The following PDSS2 variants were observed in gnomAD, a reference collection of about 807,000 sequenced individuals.
The protein encoded by PDSS2 is decaprenyl diphosphate synthase subunit 2, also known as all trans-polyprenyl-diphosphate synthase PDSS2.
In PDSS2, 31 loss-of-function variants were observed where a neutral mutation model predicts 44.5. The ratio of observed to expected loss-of-function variants is 0.70; its 90% CI spans 0.52 to 0.94. The LOEUF is 0.94. Among genes scored for constraint, PDSS2 ranks in the 40% least tolerant of loss-of-function variants. The pLI, the probability that PDSS2 is intolerant of heterozygous loss-of-function variation, is 0.00. For synonymous variants in PDSS2, 157 were observed against 180.3 expected, an observed-to-expected ratio of 0.87 and a Z score of 1.03; for missense variants, 452 against 482.2, an observed-to-expected ratio of 0.94 and a Z score of 0.59.
intron 2 of PDSS2, among the ~76,000 whole-genome samples, chr6:107,332,099 A>C (rs2115233634): frequency 9.3e-6 from 1 of 107,650 alleles, no homozygotes; most frequent in African/African-American, 3.4e-5. Flanking sequence ...AAAATTTATA[A>C]GGTAAACTTT....
chr6:107,210,404 T>C, intron 6 of PDSS2, 35 bp downstream of exon 6: 1 of 1,501,316 alleles, frequency 6.7e-7, no homozygotes, highest in Non-Finnish European at 9.3e-7. Flanking sequence ...CACTAATTAC[T>C]ACTGGTACCT....
At chr6:107,417,457 A>G (rs1044556187) in intron 1 of PDSS2, among the ~76,000 whole-genome samples, 3 of 152,132 alleles carry the variant, frequency 2.0e-5, no homozygotes, top group African/African-American at 7.2e-5. Flanking sequence ...CATGGAATCT[A>G]TCTAATAAAC....
chr6:107,228,879 T>C (rs1265197451), intron 4 of PDSS2, among the ~76,000 whole-genome samples: 1 of 152,168 alleles, frequency 6.6e-6, no homozygotes, highest in East Asian at 1.9e-4. Context: ...TTATCACCAC[T>C]AGCATCTTCA....
At chr6:107,187,592 A>G (rs1230867529) in intron 7 of PDSS2, among the ~76,000 whole-genome samples, 1 of 151,556 alleles carries the variant, frequency 6.6e-6, no homozygotes, top group Non-Finnish European at 1.5e-5. Context: ...TGAACCCAGG[A>G]GGCAGAGGTT....
At chr6:107,242,449 A>G (rs1051024179) in intron 4 of PDSS2, among the ~76,000 whole-genome samples, 1 of 152,010 alleles carries the variant, frequency 6.6e-6, no homozygotes, top group African/African-American at 2.4e-5. Flanking sequence ...TATTTTTAGT[A>G]GAGATGAGAT....
At chr6:107,429,721 C>T (rs1362421690) in intron 1 of PDSS2, among the ~76,000 whole-genome samples, 1 of 150,958 alleles carries the variant, frequency 6.6e-6, no homozygotes, top group Admixed American at 6.6e-5. Flanking sequence ...CCTGTCTCTA[C>T]TAAAAATACA....
chr6:107,438,326 A>G lies in PDSS2; in HGVS notation c.296+20664T>C, dbSNP rs552037257. Among the ~76,000 whole-genome samples, 4 of 152,228 alleles carry G rather than the reference A, an allele frequency of 2.6e-5. No homozygotes were observed. In the East Asian group the frequency reaches 7.7e-4, roughly 29 times the overall value. ...AGGGTTCAAGTGATTCTCCTGCTTC[A>G]GCCTCCCAAGTAGCTGGAATTACAA... On this transcript the variant is annotated intron_variant, in intron 1 of 7. Coordinates refer to ENST00000369037, the MANE Select transcript of PDSS2 (RefSeq NM_020381.4).
At chr6:107,260,658 A>ATTT (rs540553793) in intron 3 of PDSS2, among the ~76,000 whole-genome samples, 26 of 93,410 alleles carry the variant, frequency 2.8e-4, no homozygotes, top group African/African-American at 8.5e-4. Flanking sequence ...TTCCCCCTTC[A>ATTT]TTTTTTTTTT....
intron 1 of PDSS2, among the ~76,000 whole-genome samples, chr6:107,406,556 G>C (rs2114626560): frequency 6.6e-6 from 1 of 152,280 alleles, no homozygotes; most frequent in Non-Finnish European, 1.5e-5. Context: ...ATGATAAAAA[G>C]TATGTTTTGA....
At chr6:107,386,468 C>A (rs1330534246) in intron 1 of PDSS2, among the ~76,000 whole-genome samples, 1 of 151,694 alleles carries the variant, frequency 6.6e-6, no homozygotes, top group African/African-American at 2.4e-5. Flanking sequence ...AGGCTCACAG[C>A]AGGATTAGGC....
At chr6:107,421,788 A>C (rs1294620024) in intron 1 of PDSS2, among the ~76,000 whole-genome samples, 2 of 143,872 alleles carry the variant, frequency 1.4e-5, no homozygotes, top group Non-Finnish European at 3.0e-5. Flanking sequence ...AAATCTATAT[A>C]CGTGATAAAA....
chr6:107,184,093 G>A (rs1251976714), intron 7 of PDSS2, among the ~76,000 whole-genome samples: 1 of 152,072 alleles, frequency 6.6e-6, no homozygotes, highest in Non-Finnish European at 1.5e-5. Context: ...ATGTTGTATG[G>A]CATATTTTAC....
chr6:107,402,238 C>T (rs1342551464), intron 1 of PDSS2, among the ~76,000 whole-genome samples: 1 of 150,738 alleles, frequency 6.6e-6, no homozygotes, highest in Non-Finnish European at 1.5e-5. Context: ...CGAGATTGCG[C>T]CATTACACTC....
chr6:107,293,861 C>A (rs1417689384), intron 2 of PDSS2, among the ~76,000 whole-genome samples: 3 of 152,098 alleles, frequency 2.0e-5, no homozygotes, highest in Admixed American at 6.5e-5. Context: ...AGGCTTTTAC[C>A]TATGAATACT....
intron 6 of PDSS2, among the ~76,000 whole-genome samples, chr6:107,195,107 T>A (rs1772510099): frequency 6.6e-6 from 1 of 152,176 alleles, no homozygotes; most frequent in East Asian, 1.9e-4. Flanking sequence ...AAGACCATTT[T>A]GTTCCTGAGT....
intron 2 of PDSS2, among the ~76,000 whole-genome samples, chr6:107,286,371 G>T (rs1776151825): frequency 6.8e-6 from 1 of 147,448 alleles, no homozygotes; most frequent in African/African-American, 2.5e-5. Context: ...TTTGCTGATT[G>T]TGGTGGCGGG....
intron 1 of PDSS2, among the ~76,000 whole-genome samples, chr6:107,446,196 G>A (rs1179808504): frequency 1.3e-5 from 2 of 151,896 alleles, no homozygotes; most frequent in Non-Finnish European, 2.9e-5. Context: ...CACACCTGTA[G>A]TCCCAGCTAC....
chr6:107,328,793 T>A lies in PDSS2; in HGVS notation c.431+5405A>T, dbSNP rs112083288. ...TCCTAAGAATTCTCAAATGAAGGAA[T>A]CTCTCTAACTCTGTTTAACCTGGCA... On this transcript the variant is annotated intron_variant, in intron 2 of 7. Coordinates refer to ENST00000369037, the MANE Select transcript of PDSS2 (RefSeq NM_020381.4). Among the ~76,000 whole-genome samples the A allele has an allele frequency of 2.5e-3, 377 of 152,300 alleles. 5 individuals are homozygous for A. Among genetic ancestry groups the A allele is most frequent in the African/African-American group, 8.9e-3 (369 of 41,546 alleles).
chr6:107,314,787 C>G (rs932251487), intron 2 of PDSS2, among the ~76,000 whole-genome samples: 1 of 152,176 alleles, frequency 6.6e-6, no homozygotes, highest in African/African-American at 2.4e-5. Context: ...ATCAAAGGTC[C>G]TTGGAATCTA....
Sources: allele counts gnomAD v4.1 joint callset (sites outside exome capture counted in the v4.1 genomes callset), GRCh38; gene constraint gnomAD v4.1.1; transcripts MANE v1.5; gene names NCBI Gene and HGNC (gene_info 2026-07-23, HGNC 2026-07-21).